Variants in DDI2 observed in about 807,000 individuals in gnomAD.
DDI2 encodes protein DDI1 homolog 2.
A neutral mutation model predicts 48.1 loss-of-function variants in DDI2; 5 were observed. The ratio of observed to expected loss-of-function variants is 0.10; its 90% CI spans 0.05 to 0.22. The LOEUF (loss-of-function observed/expected upper bound fraction) is 0.22, where lower values mean the gene tolerates loss of function less well. DDI2 is among the 10% of genes least tolerant of loss of function. The pLI is 1.00. For synonymous variants in DDI2, 205 were observed against 183.6 expected (o/e 1.12, Z -0.94); for missense variants, 285 against 506.2 (o/e 0.56, Z 4.19).
Position 15,626,647 on chromosome 1 carries a change from TGTA to T in DDI2, c.139-21_139-19del, listed in dbSNP as rs756295097. On this transcript the variant is annotated intron_variant, in intron 1 of 9. Coordinates refer to ENST00000480945, the MANE Select transcript of DDI2 (RefSeq NM_032341.5). ...GTTACTTCTCAGTGCTTTATACTGT[TGTA>T]TATCTTTTCTTGTTGTAGATCGTCT... 52 of 1,614,050 alleles carry T rather than the reference TGTA, an allele frequency of 3.2e-5. 1 individual carries two copies. The highest frequency in any genetic ancestry group is 4.2e-5 in the Non-Finnish European group (49 of 1,180,014).
In DDI2 at chr1:15,630,981, C is replaced by A. The variant is rs1043940042; in HGVS notation, c.505+420C>A. On this transcript the variant is annotated intron_variant, in intron 3 of 9. Coordinates refer to ENST00000480945, the MANE Select transcript of DDI2 (RefSeq NM_032341.5). Reference sequence around the variant, plus strand: ...GCCTCAGCCTCCCAAGTAGCTGGGACTACAGGCGCATGCTGCCACACCTGG... The same window carrying A: ...GCCTCAGCCTCCCAAGTAGCTGGGAATACAGGCGCATGCTGCCACACCTGG... Among the ~76,000 whole-genome samples the A allele has an allele frequency of 5.9e-5, 9 of 152,270 alleles. No homozygotes were observed. In the East Asian group the frequency reaches 1.4e-3, roughly 23 times the overall value.
Position 15,660,338 on chromosome 1 carries a change from A to G in DDI2, c.*548A>G. 1.2e-6 allele frequency: 2 copies of G among 1,614,176 alleles called. No individual in the cohort carries two copies. The highest frequency in any genetic ancestry group is 1.7e-6 in the Non-Finnish European group (2 of 1,180,022). ...GAAAAGGATTGGCATCCAGAAAATC[A>G]GAACCTGAGTCAAGTGAGTGACCCT... On this transcript the variant is annotated 3_prime_UTR_variant, in exon 10 of 10. Transcript: ENST00000480945.
At chr1:15,630,998 C>G (rs1033517734) in intron 3 of DDI2, among the ~76,000 whole-genome samples, 2 of 152,174 alleles carry the variant, frequency 1.3e-5, no homozygotes, top group African/African-American at 4.8e-5. Context: ...CGCATGCTGC[C>G]ACACCTGGCT....
chr1:15,655,923 C>CA (rs1213215214), intron 8 of DDI2, among the ~76,000 whole-genome samples: 1 of 150,400 alleles, frequency 6.6e-6, no homozygotes, highest in East Asian at 2.0e-4. Flanking sequence ...GACACTGTCT[C>CA]AAAAAAACAA....
chr1:15,625,918 A>G (rs1639747189), intron 1 of DDI2, among the ~76,000 whole-genome samples: 1 of 152,196 alleles, frequency 6.6e-6, no homozygotes, highest in Non-Finnish European at 1.5e-5. Context: ...TGCCCGGCCC[A>G]GAGTGATAAA....
chr1:15,617,636 G>GGCCGAGCCGA lies in DDI2; in HGVS notation c.-25_-16dup, dbSNP rs758883268. On this transcript the variant is annotated 5_prime_UTR_variant, in exon 1 of 10. Transcript: ENST00000480945. ...TCCCCTGCGCCCCGCGCCCAGGCCG[G>GGCCGAGCCGA]GCCGAGCCGAGCCGAGCCGGGTCGG... 6 of 1,354,840 alleles carry GGCCGAGCCGA rather than the reference G, an allele frequency of 4.4e-6. No homozygotes were observed. The highest frequency in any genetic ancestry group is 3.1e-5 in the Admixed American group (1 of 31,914). The allele number at this position is 1,354,840 out of a possible 1,614,324, so 83.9% of individuals were successfully genotyped here. A position where few individuals can be genotyped will look rare whatever the true frequency, so the allele number is the denominator to read the frequency against.
intron 5 of DDI2, among the ~76,000 whole-genome samples, chr1:15,642,644 C>T (rs1480409766): frequency 1.3e-5 from 2 of 152,154 alleles, no homozygotes; most frequent in African/African-American, 4.8e-5. Context: ...CTTGATAGGG[C>T]CAGACACTGT....
At chr1:15,642,203 A>C (rs1426856258) in intron 5 of DDI2, among the ~76,000 whole-genome samples, 1 of 152,222 alleles carries the variant, frequency 6.6e-6, no homozygotes, top group Non-Finnish European at 1.5e-5. Context: ...ACAAGAATGT[A>C]GAACTAGAGT....
Position 15,665,609 on chromosome 1 carries a change from A to T in DDI2, c.*5819A>T, listed in dbSNP as rs941920463. ...TATATATATGTGTGTAAGCTAGCATATACATATGGTGATTGACAAGTATAG... is the reference window on the plus strand; with the variant it reads ...TATATATATGTGTGTAAGCTAGCATTTACATATGGTGATTGACAAGTATAG... On this transcript the variant is annotated 3_prime_UTR_variant, in exon 10 of 10. Transcript: ENST00000480945. 6.6e-6 allele frequency: 1 copy of T among 152,224 alleles called. No homozygotes were observed. Among genetic ancestry groups the T allele is most frequent in the Non-Finnish European group, 1.5e-5 (1 of 68,038 alleles). 9.4% of individuals were successfully genotyped at this position (152,224 alleles called of 1,614,324 possible).
At chr1:15,629,318 G>A (rs538791468) in intron 2 of DDI2, among the ~76,000 whole-genome samples, 2 of 152,160 alleles carry the variant, frequency 1.3e-5, no homozygotes, top group Admixed American at 6.6e-5. Context: ...TGATCCGGCC[G>A]GGCACAGTGG....
chr1:15,646,503 A>C (rs1229275005), intron 6 of DDI2, among the ~76,000 whole-genome samples: 1 of 152,190 alleles, frequency 6.6e-6, no homozygotes, highest in Non-Finnish European at 1.5e-5. Context: ...CCTGGCCAAC[A>C]TGGTGAAACC....
At chr1:15,618,740 T>C (rs1266017717) in intron 1 of DDI2, among the ~76,000 whole-genome samples, 1 of 152,256 alleles carries the variant, frequency 6.6e-6, no homozygotes, top group Non-Finnish European at 1.5e-5. Flanking sequence ...CTGTAAACTT[T>C]ACACTAAAAC....
intron 8 of DDI2, among the ~76,000 whole-genome samples, chr1:15,652,648 C>A (rs2103478763): frequency 6.6e-6 from 1 of 151,844 alleles, no homozygotes; most frequent in East Asian, 1.9e-4. Context: ...ACGGTGAAAC[C>A]CCGTCTCTAC....
At chr1:15,642,394 G>A (rs1337533577) in intron 5 of DDI2, among the ~76,000 whole-genome samples, 1 of 152,206 alleles carries the variant, frequency 6.6e-6, no homozygotes, top group Non-Finnish European at 1.5e-5. Context: ...AAGACTGCAT[G>A]ATTTATTAAT....
At chr1:15,659,777 A>G in intron 9 of DDI2, 60 bp from the exon 10 acceptor site, 1 of 1,461,114 alleles carries the variant, frequency 6.8e-7, no homozygotes, top group African/African-American at 1.4e-5. Flanking sequence ...TCCTCTGGTA[A>G]TTTAGTGGCA....
intron 8 of DDI2, among the ~76,000 whole-genome samples, chr1:15,654,919 TATC>T (rs1245152041): frequency 1.3e-5 from 2 of 150,962 alleles, no homozygotes; most frequent in Non-Finnish European, 2.9e-5. Context: ...GAGGATATAT[TATC>T]ATTTTATGAA....
chr1:15,628,103 C>G (rs1424399976), intron 2 of DDI2, among the ~76,000 whole-genome samples: 2 of 151,710 alleles, frequency 1.3e-5, no homozygotes, highest in East Asian at 3.9e-4. Context: ...ACAAGAGAGC[C>G]TGTAACAGGT....
Position 15,651,837 on chromosome 1 carries a change from A to G in DDI2, c.1125A>G (p.Pro375=). The stretch of plus-strand genomic sequence containing the variant: ...GGGCTGGAAGAGAGGATGTACGGCC[A>G]GAGGAGATTGCAGACCAAGAATTAG... The part of the protein sequence containing the change: ...AYGAGREDVR[P]EEIADQELAE... The change falls in exon 8 of 10, where the codon CCA becomes CCG. Residue 375 remains proline, a synonymous_variant. Transcript: ENST00000480945. The G allele has an allele frequency of 6.2e-7, 1 of 1,614,042 alleles. No individual in the cohort carries two copies.
chr1:15,617,834 G>C (rs1353955615), intron 1 of DDI2, 26 bp downstream of exon 1: 1 of 1,557,910 alleles, frequency 6.4e-7, no homozygotes, highest in South Asian at 1.2e-5. Flanking sequence ...AGCCGGGCCT[G>C]CCCCGGAGCT....
Sources: gnomAD v4.1 joint callset for allele counts (sites outside exome capture counted in the v4.1 genomes callset) on GRCh38, gnomAD v4.1.1 for gene constraint, MANE v1.5 for transcripts, NCBI Gene and HGNC (gene_info 2026-07-23, HGNC 2026-07-21) for gene names.